The following CTHRC1 variants were observed in gnomAD, a reference collection of about 807,000 sequenced individuals.
CTHRC1 encodes collagen triple helix repeat-containing protein 1.
Under a neutral mutation model 25.9 loss-of-function variants are expected in CTHRC1, and 21 were observed. The observed-to-expected ratio is 0.81, with a 90% CI of 0.57 to 1.17. The LOEUF (loss-of-function observed/expected upper bound fraction) is 1.17. Ranked by LOEUF, CTHRC1 falls within the 50% of genes most tolerant of loss-of-function variation. CTHRC1 has a pLI of 0.00. For missense variants in CTHRC1, 281 were observed against 304.3 expected (o/e 0.92, Z 0.57); for synonymous variants, 109 against 113.1 (o/e 0.96, Z 0.23).
Position 103,382,534 on chromosome 8 carries a change from A to G in CTHRC1, c.666A>G (p.Pro222=). 1 of 1,613,394 alleles carries G rather than the reference A, an allele frequency of 6.2e-7. No individual in the cohort carries two copies. The highest frequency in any genetic ancestry group is 8.5e-7 in the Non-Finnish European group (1 of 1,179,414). Residue 222 remains proline (P), a synonymous_variant, in exon 4 of 4, where the codon CCA becomes CCG. Coordinates refer to ENST00000330295, the MANE Select transcript of CTHRC1 (RefSeq NM_138455.4). ...AIWVGTCSDY[P]KGDASTGWNS... is the part of the protein sequence containing the mutation. Reference sequence around the variant, plus strand: ...GGGTTGGTACTTGTTCAGATTACCCAAAAGGAGATGCTTCTACTGGATGGA... The same window carrying G: ...GGGTTGGTACTTGTTCAGATTACCCGAAAGGAGATGCTTCTACTGGATGGA...
chr8:103,381,815 G>A (rs569702294), intron 3 of CTHRC1, among the ~76,000 whole-genome samples: 4 of 152,160 alleles, frequency 2.6e-5, no homozygotes, highest in African/African-American at 9.6e-5. Context: ...TGGCTAACAC[G>A]ATGAAACTCC....
chr8:103,376,057 A>G (rs779856790), intron 2 of CTHRC1, 98 bp downstream of exon 2: 14 of 964,190 alleles, frequency 1.5e-5, no homozygotes, highest in Non-Finnish European at 1.6e-5. Flanking sequence ...TAACTAAAAG[A>G]CTTAAAAAAG....
At chr8:103,377,682 C>T (rs1815828289) in intron 2 of CTHRC1, among the ~76,000 whole-genome samples, 1 of 152,242 alleles carries the variant, frequency 6.6e-6, no homozygotes, top group African/African-American at 2.4e-5. Flanking sequence ...CGGCTTACTG[C>T]AACCTCCACC....
chr8:103,379,059 T>C (rs1214227939), intron 3 of CTHRC1, among the ~76,000 whole-genome samples: 1 of 152,142 alleles, frequency 6.6e-6, no homozygotes, highest in African/African-American at 2.4e-5. Flanking sequence ...TGGCTCAGAC[T>C]AATAAGGAGA....
intron 2 of CTHRC1, chr8:103,377,257 C>T (rs958147651): frequency 6.6e-6 from 1 of 152,068 alleles, no homozygotes; most frequent in South Asian, 2.1e-4. Context: ...TGCTGTTGCT[C>T]GAAAAGAAAC....
Position 103,382,687 on chromosome 8 carries a change from C to A in CTHRC1, c.*87C>A. On this transcript the variant is annotated 3_prime_UTR_variant, in exon 4 of 4. Coordinates refer to ENST00000330295, the MANE Select transcript of CTHRC1 (RefSeq NM_138455.4). Reference sequence around the variant, plus strand: ...GACATTTTAAATAAGTTTATGTATACATCTGAATGAAAAGCAAAGCTAAAT... The same window carrying A: ...GACATTTTAAATAAGTTTATGTATAAATCTGAATGAAAAGCAAAGCTAAAT... The A allele has an allele frequency of 8.5e-7, 1 of 1,170,768 alleles. No individual in the cohort carries two copies. Among genetic ancestry groups the A allele is most frequent in the Non-Finnish European group, 1.3e-6 (1 of 779,372 alleles). The allele number at this position is 1,170,768 out of a possible 1,614,324, so 72.5% of individuals were successfully genotyped here. A position where few individuals can be genotyped will look rare whatever the true frequency, so the allele number is the denominator to read the frequency against.
At chr8:103,382,027 T>C (rs1815921115) in intron 3 of CTHRC1, among the ~76,000 whole-genome samples, 1 of 152,098 alleles carries the variant, frequency 6.6e-6, no homozygotes. Flanking sequence ...TTCGTCTACT[T>C]GTCTAGCATC....
In CTHRC1 at chr8:103,371,686, G is replaced by C. The variant is rs571108843; in HGVS notation, c.30G>C (p.Pro10=). 6.5e-7 allele frequency: 1 copy of C among 1,533,110 alleles called. No homozygotes were observed. The highest frequency in any genetic ancestry group is 2.6e-5 in the East Asian group (1 of 39,156). 95.0% of individuals were successfully genotyped at this position (1,533,110 alleles called of 1,614,324 possible). A position where few individuals can be genotyped will look rare whatever the true frequency, so the allele number is the denominator to read the frequency against. ...GACCCCAGGGCCCCGCCGCCTCCCCGCAGCGGCTCCGCGGCCTCCTGCTGC... is the reference window on the plus strand; with the variant it reads ...GACCCCAGGGCCCCGCCGCCTCCCCCCAGCGGCTCCGCGGCCTCCTGCTGC... The part of the protein sequence containing the change: MRPQGPAAS[P]QRLRGLLLLL... The change falls in exon 1 of 4, where the codon CCG becomes CCC. Residue 10 remains proline (P), a synonymous_variant. Transcript: ENST00000330295.
chr8:103,375,872 G>T lies in CTHRC1; in HGVS notation c.285G>T (p.Arg95Ser). Residue 95 changes from arginine to serine, a missense_variant, in exon 2 of 4, where the codon AGG becomes AGT. Physicochemically the swap from Arg to Ser is moderately radical, Grantham distance 110 (BLOSUM62 -1). Coordinates refer to ENST00000330295, the MANE Select transcript of CTHRC1 (RefSeq NM_138455.4). ...GFKGEKGECLRESFEESWTPN... is the reference protein window; with the variant it reads ...GFKGEKGECLSESFEESWTPN... ...AAGGAGAAAAGGGGGAATGTCTGAG[G>T]GAAAGCTTTGAGGAGTCCTGGACAC... The T allele has an allele frequency of 6.2e-7, 1 of 1,614,078 alleles. No individual in the cohort carries two copies. The highest frequency in any genetic ancestry group is 8.5e-7 in the Non-Finnish European group (1 of 1,180,024).
At chr8:103,379,603 G>T (rs1408875291) in intron 3 of CTHRC1, among the ~76,000 whole-genome samples, 1 of 152,128 alleles carries the variant, frequency 6.6e-6, no homozygotes, top group Non-Finnish European at 1.5e-5. Flanking sequence ...TGTACATACT[G>T]TTATATTCAT....
chr8:103,372,725 T>G, intron 1 of CTHRC1: 10 of 1,366,944 alleles, frequency 7.3e-6, no homozygotes, highest in South Asian at 1.2e-5. Flanking sequence ...AGAGGTTCTC[T>G]GGCCTGTGGT....
At chr8:103,381,615 T>C (rs533227345) in intron 3 of CTHRC1, among the ~76,000 whole-genome samples, 1 of 152,286 alleles carries the variant, frequency 6.6e-6, no homozygotes, top group South Asian at 2.1e-4. Flanking sequence ...TTTATGTTTT[T>C]TCACTATGAG....
At chr8:103,374,062 A>G (rs1044278562) in intron 1 of CTHRC1, among the ~76,000 whole-genome samples, 2 of 152,162 alleles carry the variant, frequency 1.3e-5, no homozygotes, top group Non-Finnish European at 2.9e-5. Context: ...TAATTGTTAA[A>G]TGCTTTTTCT....
intron 3 of CTHRC1, among the ~76,000 whole-genome samples, chr8:103,379,989 G>A (rs1360105060): frequency 6.6e-6 from 1 of 152,088 alleles, no homozygotes; most frequent in African/African-American, 2.4e-5. Context: ...AGAAACCAAC[G>A]CCCTGTTCTC....
intron 1 of CTHRC1, chr8:103,372,285 G>A: frequency 1.8e-6 from 1 of 541,194 alleles, no homozygotes; most frequent in Non-Finnish European, 3.0e-6. Flanking sequence ...GGCCACGTCT[G>A]CCTGCGAGAG....
At chr8:103,381,589 AG>A (rs1157486312) in intron 3 of CTHRC1, among the ~76,000 whole-genome samples, 1 of 152,146 alleles carries the variant, frequency 6.6e-6, no homozygotes. Flanking sequence ...GAGGAAAAGC[AG>A]GGGGGATTTT....
At chr8:103,376,930 T>C (rs1815815721) in intron 2 of CTHRC1, among the ~76,000 whole-genome samples, 1 of 152,236 alleles carries the variant, frequency 6.6e-6, no homozygotes, top group South Asian at 2.1e-4. Flanking sequence ...GTTAAAATGT[T>C]CCCTAGTTAT....
In CTHRC1 at chr8:103,378,110, A is replaced by G; in HGVS notation, c.456A>G (p.Ala152=). Residue 152 remains alanine (A), a synonymous_variant, in exon 3 of 4, where the codon GCA becomes GCG. Transcript: ENST00000330295. ...SGSLRLKCRN[A]CCQRWYFTFN... is the part of the protein sequence containing the mutation. ...CACTTCGGCTAAAATGCAGAAATGC[A>G]TGCTGTCAGCGTTGGTATTTCACAT... 1.2e-6 allele frequency: 2 copies of G among 1,614,214 alleles called. No individual in the cohort carries two copies. The highest frequency in any genetic ancestry group is 2.2e-5 in the East Asian group (1 of 44,882).
chr8:103,375,371 G>A (rs1324374570), intron 1 of CTHRC1, among the ~76,000 whole-genome samples: 1 of 152,100 alleles, frequency 6.6e-6, no homozygotes, highest in African/African-American at 2.4e-5. Context: ...TAAAAATCCA[G>A]GTCCCTTTGC....
Sources: allele counts gnomAD v4.1 joint callset (sites outside exome capture counted in the v4.1 genomes callset), GRCh38; gene constraint gnomAD v4.1.1; transcripts MANE v1.5; gene names NCBI Gene and HGNC (gene_info 2026-07-23, HGNC 2026-07-21).